Variants in ADIPOR2 observed in about 807,000 individuals in gnomAD.
The protein encoded by ADIPOR2 is adiponectin receptor 2.
ADIPOR2 carries 18 observed loss-of-function variants against 40.9 expected under a neutral mutation model. The observed-to-expected ratio is 0.44, with a 90% CI of 0.30 to 0.65. The LOEUF is 0.65. Ranked by LOEUF, ADIPOR2 falls within the 30% of genes least tolerant of loss-of-function variation. The pLI is 0.09. For synonymous variants in ADIPOR2, 165 were observed against 166.4 expected, an observed-to-expected ratio of 0.99 and a Z score of 0.06; for missense variants, 283 against 479.2, an observed-to-expected ratio of 0.59 and a Z score of 3.82.
At chr12:1,774,681 G>A (rs1268832395) in intron 3 of ADIPOR2, among the ~76,000 whole-genome samples, 1 of 152,204 alleles carries the variant, frequency 6.6e-6, no homozygotes, top group Non-Finnish European at 1.5e-5. Flanking sequence ...TGTGGGAATA[G>A]GATGTATGCT....
chr12:1,705,020 A>G (rs1565631041), intron 1 of ADIPOR2, among the ~76,000 whole-genome samples: 1 of 152,196 alleles, frequency 6.6e-6, no homozygotes, highest in Non-Finnish European at 1.5e-5. Context: ...AAGCAAAACA[A>G]ACAAACAGAC....
chr12:1,765,465 A>G (rs1431397037), intron 2 of ADIPOR2, among the ~76,000 whole-genome samples: 5 of 152,228 alleles, frequency 3.3e-5, no homozygotes, highest in African/African-American at 1.2e-4. Context: ...AAATGGGAAT[A>G]GAAATATACT....
chr12:1,773,039 G>A (rs1375397091), intron 3 of ADIPOR2, 78 bp downstream of exon 3: 3 of 1,510,660 alleles, frequency 2.0e-6, no homozygotes, highest in Admixed American at 2.0e-5. Context: ...GAGAGTGGTA[G>A]TACTATAGCC....
intron 1 of ADIPOR2, among the ~76,000 whole-genome samples, chr12:1,702,147 AC>A (rs911499809): frequency 3.2e-4 from 48 of 151,266 alleles, no homozygotes; most frequent in Non-Finnish European, 5.2e-4. Context: ...AACAGAAAAA[AC>A]CCCACATGTC....
At chr12:1,710,253 C>T (rs948163998) in intron 1 of ADIPOR2, among the ~76,000 whole-genome samples, 1 of 152,176 alleles carries the variant, frequency 6.6e-6, no homozygotes, top group African/African-American at 2.4e-5. Flanking sequence ...CCAGTCAGGT[C>T]CCCTTCCATG....
intron 1 of ADIPOR2, among the ~76,000 whole-genome samples, chr12:1,752,685 C>T (rs1225230839): frequency 3.3e-5 from 5 of 152,022 alleles, no homozygotes; most frequent in Non-Finnish European, 1.5e-5. Flanking sequence ...ATAATAATAC[C>T]TCAGAAGGCT....
intron 1 of ADIPOR2, among the ~76,000 whole-genome samples, chr12:1,691,647 TCA>T (rs2094627360): frequency 2.0e-5 from 3 of 152,306 alleles, no homozygotes; most frequent in Middle Eastern, 3.4e-3. Context: ...AGCGCTACTT[TCA>T]CAGTGACTGG....
rs2094747011 is a variant in ADIPOR2, at chr12:1,743,239, A to AC, written c.-86-11019_-86-11018insC. Among the ~76,000 whole-genome samples the AC allele has an allele frequency of 6.8e-5, 9 of 132,130 alleles. 1 individual carries two copies. The South Asian group carries it at 1.0e-3, about 15-fold the overall frequency. 86.7% of individuals were successfully genotyped at this position (132,130 alleles called of 152,430 possible). On this transcript the variant is annotated intron_variant, in intron 1 of 7. Transcript: ENST00000357103. ...AAACCCCATCTCTACCAAAAAAAAA[A>AC]AAAAAAACAAAGCAGTGAGCCAAGA...
At chr12:1,766,401 T>A (rs1198923811) in intron 2 of ADIPOR2, among the ~76,000 whole-genome samples, 1 of 152,306 alleles carries the variant, frequency 6.6e-6, no homozygotes, top group Non-Finnish European at 1.5e-5. Flanking sequence ...TGGTAGTAAG[T>A]AAGACAAGAC....
rs1390902539 is a variant in ADIPOR2, at chr12:1,735,480, T to G, written c.-86-18778T>G. Among the ~76,000 whole-genome samples the G allele has an allele frequency of 2.0e-5, 3 of 152,346 alleles. No homozygotes were observed. The East Asian group carries it at 5.8e-4, about 29-fold the overall frequency. On this transcript the variant is annotated intron_variant, in intron 1 of 7. Transcript: ENST00000357103. ...GACTTTGCTGAAGTTGCCTATCAGC[T>G]TAAGGAGATTTTGGGCTGAGACAAT...
chr12:1,782,752 G>T (rs148799920), intron 6 of ADIPOR2, among the ~76,000 whole-genome samples: 1 of 152,058 alleles, frequency 6.6e-6, no homozygotes. Context: ...AGATGCTTCT[G>T]GAGGCAGTAA....
chr12:1,694,028 T>C (rs898386591), intron 1 of ADIPOR2, among the ~76,000 whole-genome samples: 2 of 152,224 alleles, frequency 1.3e-5, no homozygotes, highest in African/African-American at 4.8e-5. Flanking sequence ...TTAACATTTA[T>C]TGAGCACTTA....
chr12:1,771,546 G>A (rs775069898), intron 2 of ADIPOR2, among the ~76,000 whole-genome samples: 1 of 152,102 alleles, frequency 6.6e-6, no homozygotes, highest in African/African-American at 2.4e-5. Flanking sequence ...AAGATGGAGA[G>A]GTTATTTTAT....
At chr12:1,707,311 T>C (rs572358892) in intron 1 of ADIPOR2, among the ~76,000 whole-genome samples, 4 of 152,328 alleles carry the variant, frequency 2.6e-5, no homozygotes, top group African/African-American at 9.6e-5. Flanking sequence ...ATGGTGTATA[T>C]TTTGCAGTTT....
At chr12:1,728,421 T>G (rs2094712393) in intron 1 of ADIPOR2, among the ~76,000 whole-genome samples, 2 of 151,636 alleles carry the variant, frequency 1.3e-5, no homozygotes, top group Admixed American at 1.3e-4. Context: ...ATGCAGAGCT[T>G]TAAAAAAAAA....
chr12:1,748,934 C>T (rs937786103), intron 1 of ADIPOR2, among the ~76,000 whole-genome samples: 4 of 151,890 alleles, frequency 2.6e-5, no homozygotes, highest in African/African-American at 7.3e-5. Context: ...TTGAGGGCTC[C>T]GTACCTAAGA....
intron 2 of ADIPOR2, among the ~76,000 whole-genome samples, chr12:1,762,324 CAT>C (rs369135634): frequency 7.4e-4 from 113 of 152,098 alleles, no homozygotes; most frequent in Middle Eastern, 6.8e-3. Context: ...ATATATAAAA[CAT>C]ATTTTATAAA....
chr12:1,758,780 C>G (rs1212616555), intron 2 of ADIPOR2, among the ~76,000 whole-genome samples: 1 of 152,162 alleles, frequency 6.6e-6, no homozygotes, highest in Non-Finnish European at 1.5e-5. Flanking sequence ...GTTGAAACAT[C>G]TGAACTGTAG....
intron 1 of ADIPOR2, among the ~76,000 whole-genome samples, chr12:1,693,154 T>C (rs2094630704): frequency 1.3e-5 from 2 of 152,098 alleles, no homozygotes; most frequent in South Asian, 4.1e-4. Context: ...AAACTCCGTC[T>C]TAAAAAAAAG....
Sources: allele counts gnomAD v4.1 joint callset (sites outside exome capture counted in the v4.1 genomes callset), GRCh38; gene constraint gnomAD v4.1.1; transcripts MANE v1.5; gene names NCBI Gene and HGNC (gene_info 2026-07-23, HGNC 2026-07-21).